Variants in LPP observed in about 807,000 individuals in gnomAD.
LPP encodes the protein lipoma-preferred partner.
In LPP, 38 loss-of-function variants were observed where a neutral mutation model predicts 60.4. That is an observed-to-expected ratio of 0.63 (90% CI 0.49 to 0.83). LPP has a LOEUF of 0.83. LPP is among the 40% of genes least tolerant of loss of function. The pLI is 0.00. For synonymous variants in LPP, 328 were observed against 290.8 expected, an observed-to-expected ratio of 1.13 and a Z score of -1.30; for missense variants, 902 against 783.6, an observed-to-expected ratio of 1.15 and a Z score of -1.80.
At chr3:188,295,930 A>C (rs183891747) in intron 2 of LPP, among the ~76,000 whole-genome samples, 133 of 152,302 alleles carry the variant, frequency 8.7e-4, no homozygotes, top group Non-Finnish European at 3.4e-4. Flanking sequence ...AAATGCACAT[A>C]GCCTTCCTGA....
At chr3:188,637,107 T>G (rs924829324) in intron 7 of LPP, among the ~76,000 whole-genome samples, 1 of 150,662 alleles carries the variant, frequency 6.6e-6, no homozygotes, top group Non-Finnish European at 1.5e-5. Context: ...GACCACATAC[T>G]TGGAAGTAAA....
At chr3:188,304,662 C>T (rs1464666601) in intron 2 of LPP, among the ~76,000 whole-genome samples, 1 of 152,162 alleles carries the variant, frequency 6.6e-6, no homozygotes. Flanking sequence ...TATTTCCTGG[C>T]ACTTAGCATG....
intron 1 of LPP, among the ~76,000 whole-genome samples, chr3:188,198,084 G>A (rs138487548): frequency 1.3e-5 from 2 of 152,290 alleles, no homozygotes; most frequent in African/African-American, 4.8e-5. Flanking sequence ...CGTAGCAAGC[G>A]ATTGCTATGT....
intron 5 of LPP, among the ~76,000 whole-genome samples, chr3:188,506,379 T>C (rs1240078111): frequency 6.6e-6 from 1 of 152,206 alleles, no homozygotes; most frequent in African/African-American, 2.4e-5. Context: ...AGTTAATAAA[T>C]AGATTTATTA....
rs115315232 is a variant in LPP at position 188,846,069 on chromosome 3, G to A, written c.1411-20131G>A. On this transcript the variant is annotated intron_variant, in intron 9 of 11. Coordinates refer to ENST00000617246, the MANE Select transcript of LPP (RefSeq NM_001375462.1). ...ATTAGTCAATGAACACTTATTGCAC[G>A]CCTGCTGTTTGTGCAGACACTGTGC... is the stretch of plus-strand genomic sequence containing the variant. Among the ~76,000 whole-genome samples the A allele has an allele frequency of 7.9e-4, 120 of 152,276 alleles. 1 individual carries two copies. The highest frequency in any genetic ancestry group is 2.6e-3 in the African/African-American group (110 of 41,550).
At chr3:188,612,302 T>C (rs753135789) in intron 7 of LPP, among the ~76,000 whole-genome samples, 20 of 152,166 alleles carry the variant, frequency 1.3e-4, no homozygotes, top group Non-Finnish European at 2.2e-4. Flanking sequence ...GGGCGCGTTG[T>C]GAGGGCATTG....
intron 5 of LPP, among the ~76,000 whole-genome samples, chr3:188,518,048 G>A (rs1817887058): frequency 6.6e-6 from 1 of 152,014 alleles, no homozygotes; most frequent in Non-Finnish European, 1.5e-5. Flanking sequence ...CGCTTTCTGA[G>A]GCCCTCACCA....
rs563273555 is a variant in LPP at position 188,882,599 on chromosome 3, T to C, written c.*8120T>C. ...CTTCTATTCTTGCAGCAAGGGTACA[T>C]GTCCTTTGACCCTCCACAAAAGAAC... On this transcript the variant is annotated 3_prime_UTR_variant, in exon 12 of 12. Transcript: ENST00000617246. 1.8e-5 allele frequency: 4 copies of C among 221,622 alleles called. No individual in the cohort carries two copies. The highest frequency in any genetic ancestry group is 2.2e-5 in the African/African-American group (1 of 44,738). 13.7% of individuals were successfully genotyped at this position (221,622 alleles called of 1,614,324 possible).
chr3:188,342,072 G>C (rs779102682), intron 3 of LPP, among the ~76,000 whole-genome samples: 30 of 152,172 alleles, frequency 2.0e-4, no homozygotes, highest in Non-Finnish European at 2.8e-4. Flanking sequence ...GTGGCAGGAG[G>C]GCTTTTTACC....
chr3:188,395,856 G>T (rs1173678846), intron 3 of LPP, among the ~76,000 whole-genome samples: 1 of 152,078 alleles, frequency 6.6e-6, no homozygotes, highest in East Asian at 1.9e-4. Context: ...GCAGGCTTCA[G>T]TGAGCCATGA....
intron 6 of LPP, among the ~76,000 whole-genome samples, chr3:188,576,472 A>G (rs952335243): frequency 6.6e-6 from 1 of 152,124 alleles, no homozygotes; most frequent in African/African-American, 2.4e-5. Context: ...TGTTTTGTAG[A>G]GTAGGTAAAG....
intron 4 of LPP, among the ~76,000 whole-genome samples, chr3:188,480,643 T>G (rs1297736750): frequency 2.0e-5 from 3 of 152,190 alleles, no homozygotes; most frequent in African/African-American, 7.2e-5. Context: ...GCATTTTGTT[T>G]TGTTTTGTTT....
chr3:188,821,231 G>A (rs2151448105), intron 9 of LPP, among the ~76,000 whole-genome samples: 1 of 150,778 alleles, frequency 6.6e-6, no homozygotes, highest in South Asian at 2.1e-4. Flanking sequence ...TAGTTAAAAA[G>A]AAACATGTTT....
At chr3:188,582,649 A>C (rs1349236168) in intron 6 of LPP, among the ~76,000 whole-genome samples, 1 of 152,096 alleles carries the variant, frequency 6.6e-6, no homozygotes, top group Non-Finnish European at 1.5e-5. Context: ...CTTCAGATTC[A>C]ATTGTTTCTA....
At chr3:188,706,268 G>A (rs550890265) in intron 7 of LPP, among the ~76,000 whole-genome samples, 15 of 152,152 alleles carry the variant, frequency 9.9e-5, no homozygotes, top group Non-Finnish European at 1.9e-4. Context: ...CAGTTTCCCT[G>A]TCTCACAAAG....
chr3:188,240,341 G>A, intron 2 of LPP, among the ~76,000 whole-genome samples: 2 of 145,210 alleles, frequency 1.4e-5, no homozygotes, highest in Admixed American at 6.7e-5. Context: ...TTTTGGGTAA[G>A]AGTGTGTGTG....
At chr3:188,155,777 G>A (rs1242900411) in intron 1 of LPP, among the ~76,000 whole-genome samples, 1 of 152,194 alleles carries the variant, frequency 6.6e-6, no homozygotes, top group African/African-American at 2.4e-5. Flanking sequence ...ACTTTGGGAG[G>A]CCAAGGCGGG....
chr3:188,639,818 A>T lies in LPP; in HGVS notation c.1113+29974A>T, dbSNP rs1286322458. Among the ~76,000 whole-genome samples, 3 of 152,258 alleles carry T rather than the reference A, an allele frequency of 2.0e-5. No homozygotes were observed. The East Asian group carries it at 5.8e-4, about 29-fold the overall frequency. On this transcript the variant is annotated intron_variant, in intron 7 of 11. Coordinates refer to ENST00000617246, the MANE Select transcript of LPP (RefSeq NM_001375462.1). ...AAATGCAAATCAAAACTACAATGAG[A>T]TACCATCTCACACCAGTTGGAATGG...
chr3:188,372,882 G>A (rs1315929608), intron 3 of LPP, among the ~76,000 whole-genome samples: 12 of 150,866 alleles, frequency 8.0e-5, no homozygotes, highest in Non-Finnish European at 1.0e-4. Flanking sequence ...AACAGGCCCC[G>A]GTGTGTGATG....
Sources: gnomAD v4.1 joint callset for allele counts (sites outside exome capture counted in the v4.1 genomes callset) on GRCh38, gnomAD v4.1.1 for gene constraint, MANE v1.5 for transcripts, NCBI Gene and HGNC (gene_info 2026-07-23, HGNC 2026-07-21) for gene names.